Variants in PRKN observed in about 807,000 individuals in gnomAD.
The protein encoded by PRKN is parkin RBR E3 ubiquitin protein ligase, also known as E3 ubiquitin-protein ligase parkin.
In PRKN, 56 loss-of-function variants were observed where a neutral mutation model predicts 59.5. The observed-to-expected ratio is 0.94, with a 90% CI of 0.76 to 1.18. The LOEUF is 1.18. PRKN is among the 50% of genes most tolerant of loss of function. PRKN has a pLI of 0.00. For missense variants in PRKN, 657 were observed against 596.4 expected (o/e 1.10, Z -1.06); for synonymous variants, 250 against 222.1 (o/e 1.13, Z -1.12).
rs577888630 is a variant in PRKN at position 162,238,551 on chromosome 6, G to A, written c.412+23974C>T. ...ATAATTCTTAAAATAAAAACCCAAG[G>A]AAGACGTTAGTATTCCTTGTTTCTG... On this transcript the variant is annotated intron_variant, in intron 3 of 11. Transcript: ENST00000366898. Among the ~76,000 whole-genome samples the A allele has an allele frequency of 1.3e-3, 196 of 152,276 alleles. 1 individual carries two copies. Among genetic ancestry groups the A allele is most frequent in the African/African-American group, 4.3e-3 (180 of 41,554 alleles).
intron 1 of PRKN, among the ~76,000 whole-genome samples, chr6:162,557,771 G>C (rs4441935): frequency 6.6e-6 from 1 of 151,956 alleles, no homozygotes; most frequent in East Asian, 1.9e-4. Context: ...CGGCCTCCCA[G>C]AGTGCTGGGA....
At chr6:162,421,548 T>A (rs1399636822) in intron 2 of PRKN, among the ~76,000 whole-genome samples, 1 of 152,212 alleles carries the variant, frequency 6.6e-6, no homozygotes, top group Non-Finnish European at 1.5e-5. Context: ...TCAGAAATGA[T>A]ACAATATGGC....
At chr6:162,276,126 G>A (rs1033913733) in intron 2 of PRKN, among the ~76,000 whole-genome samples, 16 of 152,234 alleles carry the variant, frequency 1.1e-4, no homozygotes, top group African/African-American at 2.4e-4. Context: ...TGTTTTGTTC[G>A]TTTTTTAAAG....
intron 4 of PRKN, among the ~76,000 whole-genome samples, chr6:162,175,409 T>C (rs1313898010): frequency 1.3e-5 from 2 of 152,222 alleles, no homozygotes; most frequent in East Asian, 3.8e-4. Context: ...TAGCAGGTAC[T>C]TTATGAAGAT....
intron 4 of PRKN, among the ~76,000 whole-genome samples, chr6:162,134,928 C>T (rs1781508597): frequency 6.6e-6 from 1 of 152,088 alleles, no homozygotes. Context: ...CGAAACTGTT[C>T]ATACTGAAAC....
At chr6:162,273,289 A>G (rs186375566) in intron 2 of PRKN, among the ~76,000 whole-genome samples, 22 of 152,282 alleles carry the variant, frequency 1.4e-4, no homozygotes, top group African/African-American at 5.1e-4. Context: ...TAACGTGACT[A>G]TCTACAGTTT....
rs1474860194 is a variant in PRKN, at chr6:161,454,542, A to G, written c.1084-67665T>C. The stretch of plus-strand genomic sequence containing the variant: ...TGTGCTCTCTAACTCAATGATAATG[A>G]TAGTCATGGAAGTTTCTTAATATCT... On this transcript the variant is annotated intron_variant, in intron 9 of 11. Coordinates refer to ENST00000366898, the MANE Select transcript of PRKN (RefSeq NM_004562.3). The surrounding 1 kb of genome is among the most constrained non-coding windows in gnomAD (Gnocchi z 4.6). Among the ~76,000 whole-genome samples, 7 of 152,144 alleles carry G rather than the reference A, an allele frequency of 4.6e-5. No individual in the cohort carries two copies. The highest frequency in any genetic ancestry group is 1.7e-4 in the African/African-American group (7 of 41,398).
intron 2 of PRKN, among the ~76,000 whole-genome samples, chr6:162,270,473 GTAAA>G (rs1451035312): frequency 6.6e-6 from 1 of 152,080 alleles, no homozygotes; most frequent in Admixed American, 6.6e-5. Flanking sequence ...ACTAACTTAC[GTAAA>G]CAAATACCAT....
intron 1 of PRKN, among the ~76,000 whole-genome samples, chr6:162,717,104 A>G (rs1778759471): frequency 6.6e-6 from 1 of 152,196 alleles, no homozygotes; most frequent in Non-Finnish European, 1.5e-5. Flanking sequence ...AGAGGAAGGC[A>G]GAGCAAGATT....
At chr6:161,907,843 C>G (rs993021072) in intron 6 of PRKN, among the ~76,000 whole-genome samples, 6 of 152,104 alleles carry the variant, frequency 3.9e-5, no homozygotes, top group African/African-American at 1.4e-4. Flanking sequence ...TTTGGGAGGC[C>G]AAGGCGGGTG....
chr6:161,921,591 C>A (rs1034011825), intron 6 of PRKN, among the ~76,000 whole-genome samples: 1 of 152,186 alleles, frequency 6.6e-6, no homozygotes, highest in Admixed American at 6.6e-5. Flanking sequence ...TACAGTGTCA[C>A]TAGGCGATAG....
At chr6:162,346,355 C>T (rs560798871) in intron 2 of PRKN, among the ~76,000 whole-genome samples, 2 of 151,680 alleles carry the variant, frequency 1.3e-5, no homozygotes, top group East Asian at 3.9e-4. Context: ...GTGGCTCACA[C>T]CTGTAATCTC....
chr6:161,730,185 G>A (rs34336780), intron 7 of PRKN, among the ~76,000 whole-genome samples: 22,567 of 150,980 alleles, frequency 0.15, 2,036 homozygotes, highest in South Asian at 0.21. Flanking sequence ...GTTGCATTCT[G>A]ATGTGTTGCA....
At chr6:162,233,598 C>T (rs995558413) in intron 3 of PRKN, among the ~76,000 whole-genome samples, 13 of 152,268 alleles carry the variant, frequency 8.5e-5, no homozygotes, top group Admixed American at 4.6e-4. Flanking sequence ...AAATAATTAA[C>T]GAAAAAATTT....
intron 6 of PRKN, among the ~76,000 whole-genome samples, chr6:161,801,647 G>T (rs988757316): frequency 6.6e-6 from 1 of 152,168 alleles, no homozygotes; most frequent in Non-Finnish European, 1.5e-5. Context: ...TTTCAGTTAT[G>T]AAAATAATCG....
At chr6:162,077,177 TC>T (rs1778863362) in intron 4 of PRKN, among the ~76,000 whole-genome samples, 1 of 152,118 alleles carries the variant, frequency 6.6e-6, no homozygotes, top group African/African-American at 2.4e-5. Flanking sequence ...AGGATACAGT[TC>T]ATTGAAAATT....
Position 161,348,753 on chromosome 6 carries a change from G to A in PRKN, c.*1346C>T, listed in dbSNP as rs1039544349. ...GACTCATGCCCTCAGTTATGTTCAC[G>A]ATCTTCCTGAGAAGTCAGACAATAC... is the stretch of plus-strand genomic sequence containing the variant. On this transcript the variant is annotated 3_prime_UTR_variant, in exon 12 of 12. Coordinates refer to ENST00000366898, the MANE Select transcript of PRKN (RefSeq NM_004562.3). This position sits in a 1 kb window ranked among gnomAD's most constrained non-coding sequence, Gnocchi z 4.9. 1 of 209,000 alleles carries A rather than the reference G, an allele frequency of 4.8e-6. No individual in the cohort carries two copies. Among genetic ancestry groups the A allele is most frequent in the East Asian group, 7.2e-5 (1 of 13,966 alleles). 12.9% of individuals were successfully genotyped at this position (209,000 alleles called of 1,614,324 possible). A position where few individuals can be genotyped will look rare whatever the true frequency, so the allele number is the denominator to read the frequency against.
intron 4 of PRKN, among the ~76,000 whole-genome samples, chr6:162,095,166 T>C (rs1390378971): frequency 1.3e-5 from 2 of 152,190 alleles, no homozygotes; most frequent in African/African-American, 4.8e-5. Context: ...ATTCTATCCA[T>C]ACAGGAATTT....
At chr6:161,465,481 T>C (rs1790419287) in intron 9 of PRKN, among the ~76,000 whole-genome samples, 1 of 110,798 alleles carries the variant, frequency 9.0e-6, no homozygotes, top group African/African-American at 3.0e-5. Context: ...CTTTTGGGGA[T>C]TTTTTTTTTT....
Sources: gnomAD v4.1 joint callset for allele counts (sites outside exome capture counted in the v4.1 genomes callset) on GRCh38, gnomAD v4.1.1 for gene constraint, Gnocchi (gnomAD v3.1) non-coding constraint, MANE v1.5 for transcripts, NCBI Gene and HGNC (gene_info 2026-07-23, HGNC 2026-07-21) for gene names.